Variants in KIRREL3 observed in about 807,000 individuals in gnomAD.
The protein encoded by KIRREL3 is kin of IRRE-like protein 3.
A neutral mutation model predicts 89.7 loss-of-function variants in KIRREL3; 36 were observed. The ratio of observed to expected loss-of-function variants is 0.40; its 90% CI spans 0.31 to 0.53. The LOEUF (loss-of-function observed/expected upper bound fraction) is 0.53. Among genes scored for constraint, KIRREL3 ranks in the 20% least tolerant of loss-of-function variants. The probability of loss-of-function intolerance (pLI) is 0.49; values close to 1 mark genes in which losing one functional copy is unlikely to be tolerated. For missense variants in KIRREL3, 864 were observed against 1,056.6 expected, an observed-to-expected ratio of 0.82 and a Z score of 2.53; for synonymous variants, 445 against 441.4, an observed-to-expected ratio of 1.01 and a Z score of -0.10.
intron 1 of KIRREL3, among the ~76,000 whole-genome samples, chr11:126,974,966 T>C (rs1253807537): frequency 6.6e-6 from 1 of 152,118 alleles, no homozygotes; most frequent in African/African-American, 2.4e-5. Context: ...CAGGCTGGAG[T>C]GCAGTGGCTA....
At chr11:126,634,438 A>G (rs573121423) in intron 1 of KIRREL3, among the ~76,000 whole-genome samples, 5 of 152,176 alleles carry the variant, frequency 3.3e-5, no homozygotes, top group Non-Finnish European at 7.4e-5. Flanking sequence ...CCCCCAGGCT[A>G]ACATCTACCC....
intron 1 of KIRREL3, among the ~76,000 whole-genome samples, chr11:126,910,221 T>C (rs1439169526): frequency 1.3e-5 from 2 of 152,054 alleles, no homozygotes; most frequent in African/African-American, 2.4e-5. Context: ...AGGTGGACTT[T>C]GAGTGCTCAA....
Position 126,682,809 on chromosome 11 carries a change from C to T in KIRREL3, c.56-119897G>A, listed in dbSNP as rs532677501. 1.5e-3 allele frequency among the ~76,000 whole-genome samples: 223 copies of T among 152,242 alleles called. No individual in the cohort carries two copies. Among genetic ancestry groups the T allele is most frequent in the Non-Finnish European group, 2.4e-3 (160 of 68,028 alleles). ...CGGGCGGCAATGTTCACTCACCTGC[C>T]GCTCACCTCCTGCTGTGTAGTCTGG... On this transcript the variant is annotated intron_variant, in intron 1 of 16. Transcript: ENST00000525144. The surrounding 1 kb of genome is among the most constrained non-coding windows in gnomAD (Gnocchi z 4.8).
At position 126,703,590 on chromosome 11, in the gene KIRREL3, G is replaced by A. The variant is rs1374460821; in HGVS notation, c.56-140678C>T. 6.6e-6 allele frequency among the ~76,000 whole-genome samples: 1 copy of A among 152,202 alleles called. No individual in the cohort carries two copies. Among genetic ancestry groups the A allele is most frequent in the Non-Finnish European group, 1.5e-5 (1 of 68,034 alleles). On this transcript the variant is annotated intron_variant, in intron 1 of 16. Transcript: ENST00000525144. This position sits in a 1 kb window ranked among gnomAD's most constrained non-coding sequence, Gnocchi z 4.6. ...CAGTCAGATCGGGAGTGATGGGGCT[G>A]TAATCCAAATGCTGGGCTGGCTGAC...
At chr11:126,960,267 C>G (rs1949045502) in intron 1 of KIRREL3, among the ~76,000 whole-genome samples, 2 of 152,182 alleles carry the variant, frequency 1.3e-5, no homozygotes. Flanking sequence ...AAGCAGTTAT[C>G]TTAAGAGCAG....
At position 126,814,274 on chromosome 11, in the gene KIRREL3, C is replaced by T. The variant is rs562605743; in HGVS notation, c.55+186181G>A. Among the ~76,000 whole-genome samples the T allele has an allele frequency of 1.2e-3, 180 of 151,790 alleles. 1 individual carries two copies. Among genetic ancestry groups the T allele is most frequent in the African/African-American group, 2.4e-3 (100 of 41,376 alleles). ...AAAGTCAAAAAGCAACAGATGCTGG[C>T]GAGGTTATGGAGAAAAAGGAATGCT... On this transcript the variant is annotated intron_variant, in intron 1 of 16. Transcript: ENST00000525144. The surrounding 1 kb of genome is among the most constrained non-coding windows in gnomAD (Gnocchi z 4.4).
At chr11:126,671,524 C>T (rs145538597) in intron 1 of KIRREL3, among the ~76,000 whole-genome samples, 2,356 of 151,716 alleles carry the variant, frequency 0.016, 31 homozygotes, top group Admixed American at 0.017. Context: ...ATTTGTAAAT[C>T]ACATATCAGA....
chr11:126,603,799 T>C (rs911339322), intron 1 of KIRREL3, among the ~76,000 whole-genome samples: 2 of 152,240 alleles, frequency 1.3e-5, no homozygotes, highest in Non-Finnish European at 2.9e-5. Context: ...CCAGGGTTTC[T>C]GATGGGAAGG....
chr11:126,641,307 C>T lies in KIRREL3; in HGVS notation c.56-78395G>A, dbSNP rs747572420. ...GGCCCGAGCCTCATCACTTGTTGCT[C>T]AGATGGTTGTTACAGTCATGGTTCT... is the stretch of plus-strand genomic sequence containing the variant. On this transcript the variant is annotated intron_variant, in intron 1 of 16. Coordinates refer to ENST00000525144, the MANE Select transcript of KIRREL3 (RefSeq NM_032531.4). This position sits in a 1 kb window ranked among gnomAD's most constrained non-coding sequence, Gnocchi z 5.0. Among the ~76,000 whole-genome samples, 1 of 151,982 alleles carries T rather than the reference C, an allele frequency of 6.6e-6. No homozygotes were observed. The highest frequency in any genetic ancestry group is 1.5e-5 in the Non-Finnish European group (1 of 67,980).
Position 126,993,703 on chromosome 11 carries a change from G to A in KIRREL3, c.55+6752C>T, listed in dbSNP as rs1396099799. 6.6e-6 allele frequency among the ~76,000 whole-genome samples: 1 copy of A among 152,210 alleles called. No individual in the cohort carries two copies. The highest frequency in any genetic ancestry group is 2.4e-5 in the African/African-American group (1 of 41,452). ...GCCCACAGTGAGTGCTGGCTGAGTG[G>A]TCAAGGGCTGAGCCTTAGTGTCATA... On this transcript the variant is annotated intron_variant, in intron 1 of 16. Coordinates refer to ENST00000525144, the MANE Select transcript of KIRREL3 (RefSeq NM_032531.4). The surrounding 1 kb of genome is among the most constrained non-coding windows in gnomAD (Gnocchi z 6.1).
chr11:126,952,860 T>G (rs1948811030), intron 1 of KIRREL3, among the ~76,000 whole-genome samples: 1 of 152,118 alleles, frequency 6.6e-6, no homozygotes, highest in African/African-American at 2.4e-5. Context: ...TGTGGAGAAA[T>G]AGGAATGCTT....
chr11:126,995,480 C>T lies in KIRREL3; in HGVS notation c.55+4975G>A. The T allele has an allele frequency of 8.0e-6, 3 of 374,378 alleles. No individual in the cohort carries two copies. The highest frequency in any genetic ancestry group is 6.1e-5 in the South Asian group (3 of 49,516). The allele number at this position is 374,378 out of a possible 1,614,324, so 23.2% of individuals were successfully genotyped here. On this transcript the variant is annotated intron_variant, in intron 1 of 16. Coordinates refer to ENST00000525144, the MANE Select transcript of KIRREL3 (RefSeq NM_032531.4). This position sits in a 1 kb window ranked among gnomAD's most constrained non-coding sequence, Gnocchi z 6.5. ...TGTTTTTCACCTAAGGTCATCTCGACAATTTACAAGGATAAGGATTGTAGC... is the reference window on the plus strand; with the variant it reads ...TGTTTTTCACCTAAGGTCATCTCGATAATTTACAAGGATAAGGATTGTAGC...
At position 126,761,461 on chromosome 11, in the gene KIRREL3, C is replaced by T. The variant is rs1225107475; in HGVS notation, c.56-198549G>A. Among the ~76,000 whole-genome samples, 1 of 152,216 alleles carries T rather than the reference C, an allele frequency of 6.6e-6. No homozygotes were observed. The highest frequency in any genetic ancestry group is 2.4e-5 in the African/African-American group (1 of 41,458). ...TCATCACTGAGGAGGAGCAAGACAA[C>T]CCCAGTCCCAGCCCTGCTCCTTTCT... On this transcript the variant is annotated intron_variant, in intron 1 of 16. Coordinates refer to ENST00000525144, the MANE Select transcript of KIRREL3 (RefSeq NM_032531.4). This position sits in a 1 kb window ranked among gnomAD's most constrained non-coding sequence, Gnocchi z 4.4.
intron 1 of KIRREL3, among the ~76,000 whole-genome samples, chr11:126,663,182 CTT>C (rs61217908): frequency 4.4e-5 from 4 of 90,802 alleles, no homozygotes; most frequent in African/African-American, 4.4e-5. Flanking sequence ...TCATGTCTGG[CTT>C]TTTTTTTTTT....
chr11:126,599,467 C>T (rs1942548409), intron 1 of KIRREL3, among the ~76,000 whole-genome samples: 1 of 152,224 alleles, frequency 6.6e-6, no homozygotes, highest in Non-Finnish European at 1.5e-5. Context: ...GTTTACTCCT[C>T]TAGCTCCCCT....
chr11:126,804,277 C>T (rs1951134283), intron 1 of KIRREL3, among the ~76,000 whole-genome samples: 2 of 152,330 alleles, frequency 1.3e-5, no homozygotes, highest in Admixed American at 1.3e-4. Flanking sequence ...TCAAGAATCT[C>T]TGAGTTCTGT....
At chr11:126,712,264 A>AGTGT (rs3045186) in intron 1 of KIRREL3, among the ~76,000 whole-genome samples, 8,097 of 149,680 alleles carry the variant, frequency 0.054, 931 homozygotes, top group East Asian at 0.52. Context: ...GATAAGGGCG[A>AGTGT]GTGTGTGTGT....
At position 126,436,793 on chromosome 11, in the gene KIRREL3, G is replaced by A. The variant is rs951857441; in HGVS notation, c.1552+18C>T. The stretch of plus-strand genomic sequence containing the variant: ...GTTCCATCGTTCGTTGTTCCCTCAT[G>A]GCCCTGGCAGCTCTCACCTTGCTCC... On this transcript the variant is annotated intron_variant, in intron 12 of 16. Transcript: ENST00000525144. 1.9e-6 allele frequency: 3 copies of A among 1,612,940 alleles called. No homozygotes were observed. The South Asian group carries it at 3.3e-5, about 18-fold the overall frequency.
At chr11:126,770,558 A>G (rs1949988678) in intron 1 of KIRREL3, among the ~76,000 whole-genome samples, 2 of 152,204 alleles carry the variant, frequency 1.3e-5, no homozygotes. Context: ...GGCGAAGCAC[A>G]TCGTGCCTCT....
Sources: gnomAD v4.1 joint callset for allele counts (sites outside exome capture counted in the v4.1 genomes callset) on GRCh38, gnomAD v4.1.1 for gene constraint, Gnocchi (gnomAD v3.1) non-coding constraint, MANE v1.5 for transcripts, NCBI Gene and HGNC (gene_info 2026-07-23, HGNC 2026-07-21) for gene names.